Variants in LMNB1 observed in about 807,000 individuals in gnomAD.
LMNB1 encodes the protein lamin-B1.
A neutral mutation model predicts 67.1 loss-of-function variants in LMNB1; 23 were observed. The observed-to-expected ratio is 0.34, with a 90% CI of 0.25 to 0.49. LMNB1 has a LOEUF of 0.49. Ranked by LOEUF, LMNB1 falls within the 20% of genes least tolerant of loss-of-function variation. LMNB1 has a pLI of 0.99. For missense variants in LMNB1, 634 were observed against 746.5 expected (o/e 0.85, Z 1.76); for synonymous variants, 281 against 282.9 (o/e 0.99, Z 0.07).
Position 126,813,514 on chromosome 5 carries a change from C to T in LMNB1, c.939+1616C>T, listed in dbSNP as rs553448020. Among the ~76,000 whole-genome samples the T allele has an allele frequency of 2.7e-4, 41 of 152,188 alleles. No individual in the cohort carries two copies. In the South Asian group the frequency reaches 4.3e-3, roughly 16 times the overall value. ...TTCCATTGCACCATCTGTCTTAGTCCTTTTGGGCTGCTATAACAAACTACT... is the reference window on the plus strand; with the variant it reads ...TTCCATTGCACCATCTGTCTTAGTCTTTTTGGGCTGCTATAACAAACTACT... On this transcript the variant is annotated intron_variant, in intron 5 of 10. Transcript: ENST00000261366.
intron 5 of LMNB1, among the ~76,000 whole-genome samples, chr5:126,812,931 G>A (rs1437756359): frequency 2.0e-5 from 3 of 151,788 alleles, no homozygotes; most frequent in African/African-American, 7.3e-5. Flanking sequence ...GGGTTTCACC[G>A]TGTTAGCCAG....
chr5:126,791,183 C>T (rs987197622), intron 1 of LMNB1, among the ~76,000 whole-genome samples: 3 of 151,972 alleles, frequency 2.0e-5, no homozygotes, highest in African/African-American at 7.3e-5. Flanking sequence ...CAGGGATGTT[C>T]CTTGTTGTAG....
chr5:126,804,633 C>A, intron 1 of LMNB1, 143 bp from the exon 2 acceptor site: 2 of 635,198 alleles, frequency 3.1e-6, no homozygotes, highest in Non-Finnish European at 2.6e-6. Flanking sequence ...AGATCCAGTG[C>A]TTGTGAATTG....
At chr5:126,786,984 CT>C (rs1450251659) in intron 1 of LMNB1, among the ~76,000 whole-genome samples, 1 of 152,100 alleles carries the variant, frequency 6.6e-6, no homozygotes, top group Non-Finnish European at 1.5e-5. Flanking sequence ...CTAAATAAAT[CT>C]TTAATACTCA....
rs1752256613 is a variant in LMNB1, at chr5:126,836,661, C to CTA, written c.*404_*405dup. The CTA allele has an allele frequency of 5.4e-6, 2 of 368,896 alleles. No homozygotes were observed. The highest frequency in any genetic ancestry group is 9.6e-6 in the Non-Finnish European group (2 of 209,290). 22.9% of individuals were successfully genotyped at this position (368,896 alleles called of 1,614,324 possible). On this transcript the variant is annotated 3_prime_UTR_variant, in exon 11 of 11. Transcript: ENST00000261366. ...CTAGCAATCTCTTCATTATTCTCTG[C>CTA]TATATATAAAACGGTGCTGTGAGGG...
chr5:126,798,409 T>C (rs904824579), intron 1 of LMNB1, among the ~76,000 whole-genome samples: 8 of 150,886 alleles, frequency 5.3e-5, no homozygotes, highest in Non-Finnish European at 1.2e-4. Flanking sequence ...GAGATCGCGC[T>C]ACTGCACTCC....
At chr5:126,785,820 C>T (rs1750766998) in intron 1 of LMNB1, among the ~76,000 whole-genome samples, 1 of 151,866 alleles carries the variant, frequency 6.6e-6, no homozygotes, top group Admixed American at 6.6e-5. Context: ...TCGAGACCAG[C>T]CTGGCCAACA....
chr5:126,832,934 C>T, intron 10 of LMNB1, 133 bp downstream of exon 10: 1 of 519,766 alleles, frequency 1.9e-6, no homozygotes, highest in Non-Finnish European at 3.4e-6. Context: ...GGGGTTTGTA[C>T]TCCCCAAAGG....
chr5:126,806,790 T>TG (rs1314956042), intron 3 of LMNB1, among the ~76,000 whole-genome samples: 1 of 151,964 alleles, frequency 6.6e-6, no homozygotes, highest in Non-Finnish European at 1.5e-5. Flanking sequence ...AATTTTTTTT[T>TG]TTTTGAGACA....
At chr5:126,835,929 G>A (rs1171653065) in intron 10 of LMNB1, among the ~76,000 whole-genome samples, 2 of 152,100 alleles carry the variant, frequency 1.3e-5, no homozygotes, top group Admixed American at 6.6e-5. Context: ...ACCTGTAGTC[G>A]CAGCTGCTCG....
chr5:126,811,972 G>A (rs1252877815), intron 5 of LMNB1, 74 bp downstream of exon 5: 15 of 1,448,510 alleles, frequency 1.0e-5, no homozygotes, highest in Admixed American at 8.8e-5. Context: ...TGCTTTGCTT[G>A]GGCTGATGTC....
intron 1 of LMNB1, among the ~76,000 whole-genome samples, chr5:126,789,534 C>A (rs1750898848): frequency 6.6e-6 from 1 of 152,180 alleles, no homozygotes; most frequent in Non-Finnish European, 1.5e-5. Flanking sequence ...TCTTTCCCTA[C>A]ATGGGCTGGT....
intron 3 of LMNB1, 65 bp from the exon 4 acceptor site, chr5:126,810,115 C>T (rs1751547003): frequency 6.9e-7 from 1 of 1,456,322 alleles, no homozygotes; most frequent in Admixed American, 1.8e-5. Flanking sequence ...TGTGATGTCA[C>T]TCAGATGTGT....
At chr5:126,832,623 GA>G in intron 9 of LMNB1, 70 bp from the exon 10 acceptor site, 2 of 1,106,860 alleles carry the variant, frequency 1.8e-6, no homozygotes, top group East Asian at 2.6e-5. Flanking sequence ...CTTAAGCAAA[GA>G]AAAGGTCCCT....
intron 8 of LMNB1, among the ~76,000 whole-genome samples, 196 bp downstream of exon 8, chr5:126,823,081 A>G (rs1751910599): frequency 6.6e-6 from 1 of 152,172 alleles, no homozygotes; most frequent in Admixed American, 6.6e-5. Flanking sequence ...TGGACCTTTG[A>G]ATTATTTTTA....
intron 4 of LMNB1, among the ~76,000 whole-genome samples, chr5:126,811,020 C>G (rs947771172): frequency 1.3e-5 from 2 of 152,212 alleles, no homozygotes; most frequent in African/African-American, 4.8e-5. Flanking sequence ...ATTAGAGTCA[C>G]AGAGTTATTG....
chr5:126,804,999 T>TTTGA (rs897353832), intron 2 of LMNB1, 67 bp downstream of exon 2: 9 of 1,257,340 alleles, frequency 7.2e-6, no homozygotes, highest in East Asian at 2.5e-5. Flanking sequence ...TAAGCCATAG[T>TTTGA]TTGATTGATT....
At chr5:126,814,971 C>T (rs556222541) in intron 5 of LMNB1, among the ~76,000 whole-genome samples, 2 of 152,128 alleles carry the variant, frequency 1.3e-5, no homozygotes, top group African/African-American at 2.4e-5. Flanking sequence ...AGATAGGAGA[C>T]GAGCAATCCC....
chr5:126,811,196 A>G (rs1751570868), intron 4 of LMNB1, among the ~76,000 whole-genome samples: 1 of 152,226 alleles, frequency 6.6e-6, no homozygotes, highest in African/African-American at 2.4e-5. Context: ...TAAAGTAAGG[A>G]TCCGTCACAG....
Sources: allele counts gnomAD v4.1 joint callset (sites outside exome capture counted in the v4.1 genomes callset), GRCh38; gene constraint gnomAD v4.1.1; transcripts MANE v1.5; gene names NCBI Gene and HGNC (gene_info 2026-07-23, HGNC 2026-07-21).